PPP2R1A: variants seen among roughly 807,000 people sequenced by gnomAD.
The protein encoded by PPP2R1A is serine/threonine-protein phosphatase 2A 65 kDa regulatory subunit A alpha isoform.
In PPP2R1A, 15 loss-of-function variants were observed where a neutral mutation model predicts 67.1. The observed-to-expected ratio is 0.22, with a 90% CI of 0.15 to 0.34. The LOEUF is 0.34. Among genes scored for constraint, PPP2R1A ranks in the 10% least tolerant of loss-of-function variants. The pLI is 1.00. For missense variants in PPP2R1A, 369 were observed against 775.0 expected (o/e 0.48, Z 6.22); for synonymous variants, 337 against 325.0 (o/e 1.04, Z -0.40).
Position 52,211,687 on chromosome 19 carries a change from T to C in PPP2R1A, c.503+195T>C. ...ACGGCCACGTGTCAGTTTACCCACC[T>C]CTGCCCCCTTGCTCACTTAGGAATT... On this transcript the variant is annotated intron_variant, in intron 4 of 14. Coordinates refer to ENST00000322088, the MANE Select transcript of PPP2R1A (RefSeq NM_014225.6). This position sits in a 1 kb window ranked among gnomAD's most constrained non-coding sequence, Gnocchi z 5.3. The C allele has an allele frequency of 1.7e-6, 1 of 605,920 alleles. No homozygotes were observed. The highest frequency in any genetic ancestry group is 2.9e-6 in the Non-Finnish European group (1 of 345,496). The allele number at this position is 605,920 out of a possible 1,614,324, so 37.5% of individuals were successfully genotyped here. A position where few individuals can be genotyped will look rare whatever the true frequency, so the allele number is the denominator to read the frequency against.
At chr19:52,208,005 G>A (rs7251497) in intron 3 of PPP2R1A, among the ~76,000 whole-genome samples, 12,897 of 152,128 alleles carry the variant, frequency 0.085, 593 homozygotes, top group Middle Eastern at 0.14. Context: ...AATAGAAAAT[G>A]GCTTTGTGTA....
chr19:52,220,128 G>A, intron 10 of PPP2R1A, 61 bp from the exon 11 acceptor site: 1 of 1,556,896 alleles, frequency 6.4e-7, no homozygotes, highest in Non-Finnish European at 8.9e-7. Context: ...GATGTGGCTA[G>A]CAGCTCCCCC....
intron 9 of PPP2R1A, among the ~76,000 whole-genome samples, chr19:52,218,143 A>T (rs147549656): frequency 6.6e-6 from 1 of 152,186 alleles, no homozygotes; most frequent in Admixed American, 6.5e-5. Context: ...CAGATGGTGC[A>T]ATTGTGTGCT....
At chr19:52,200,337 CA>C in intron 1 of PPP2R1A, 1 of 152,348 alleles carries the variant, frequency 6.6e-6, no homozygotes, top group Admixed American at 6.5e-5. Flanking sequence ...GAGAGTTTCA[CA>C]GTCTGTCCTG....
chr19:52,212,614 A>T lies in PPP2R1A; in HGVS notation c.504-72A>T. Reference sequence around the variant, plus strand: ...TTCAGCTAAAACCTGGACCCACACAACTGCAGAGTCTGTGCTTGCTCCTCT... The same window carrying T: ...TTCAGCTAAAACCTGGACCCACACATCTGCAGAGTCTGTGCTTGCTCCTCT... On this transcript the variant is annotated intron_variant, in intron 4 of 14. Transcript: ENST00000322088. The surrounding 1 kb of genome is among the most constrained non-coding windows in gnomAD (Gnocchi z 4.1). 1 of 1,561,420 alleles carries T rather than the reference A, an allele frequency of 6.4e-7. No homozygotes were observed. Among genetic ancestry groups the T allele is most frequent in the Non-Finnish European group, 8.7e-7 (1 of 1,153,828 alleles).
intron 3 of PPP2R1A, among the ~76,000 whole-genome samples, chr19:52,210,484 CTT>C (rs112983236): frequency 0.046 from 5,776 of 126,926 alleles, 62 homozygotes; most frequent in African/African-American, 0.08. Context: ...GTTTTCTCTT[CTT>C]TTTTTTTTTT....
chr19:52,220,943 C>T, intron 11 of PPP2R1A, 36 bp from the exon 12 acceptor site: 12 of 1,611,328 alleles, frequency 7.4e-6, no homozygotes, highest in Non-Finnish European at 1.0e-5. Flanking sequence ...TCTTCACCTC[C>T]AAATCCCTGT....
chr19:52,196,746 G>A (rs1003103128), intron 1 of PPP2R1A, among the ~76,000 whole-genome samples: 5 of 152,128 alleles, frequency 3.3e-5, no homozygotes, highest in Non-Finnish European at 7.4e-5. Flanking sequence ...ATGGTGTCAG[G>A]GTCCCAGGCT....
At chr19:52,221,209 C>T in intron 12 of PPP2R1A, 76 bp downstream of exon 12, 1 of 1,572,836 alleles carries the variant, frequency 6.4e-7, no homozygotes, top group Non-Finnish European at 8.7e-7. Flanking sequence ...CTAGAGGGTT[C>T]CCCAAGGGAG....
Position 52,212,372 on chromosome 19 carries a change from A to G in PPP2R1A, c.504-314A>G. 2.8e-6 allele frequency: 1 copy of G among 356,884 alleles called. No individual in the cohort carries two copies. Among genetic ancestry groups the G allele is most frequent in the Non-Finnish European group, 5.2e-6 (1 of 192,324 alleles). 22.1% of individuals were successfully genotyped at this position (356,884 alleles called of 1,614,324 possible). On this transcript the variant is annotated intron_variant, in intron 4 of 14. Transcript: ENST00000322088. This position sits in a 1 kb window ranked among gnomAD's most constrained non-coding sequence, Gnocchi z 4.1. The stretch of plus-strand genomic sequence containing the variant: ...AGTGTTCAGATTACAGGTATGAGCC[A>G]CTGTGCCTGGCTCGTTGGTTAAGCA...
At chr19:52,191,729 C>A (rs2089456501) in intron 1 of PPP2R1A, among the ~76,000 whole-genome samples, 1 of 152,080 alleles carries the variant, frequency 6.6e-6, no homozygotes, top group Non-Finnish European at 1.5e-5. Context: ...TTCTTTTGTT[C>A]AGTAAATATA....
chr19:52,193,638 C>T (rs1047335193), intron 1 of PPP2R1A, among the ~76,000 whole-genome samples: 2 of 152,092 alleles, frequency 1.3e-5, no homozygotes, highest in Non-Finnish European at 2.9e-5. Context: ...CAGGCCGTCT[C>T]TGCTCATTGC....
rs1019096338 is a variant in PPP2R1A at position 52,226,959 on chromosome 19, T to C, written c.*978T>C. On this transcript the variant is annotated 3_prime_UTR_variant, in exon 15 of 15. Transcript: ENST00000322088. ...CATTTCCTGTGTTCTTGAAGAAGAC[T>C]TGGGCTTGGACCCTGTCCCCAGGAG... is the stretch of plus-strand genomic sequence containing the variant. 1 of 152,132 alleles carries C rather than the reference T, an allele frequency of 6.6e-6. No individual in the cohort carries two copies. The highest frequency in any genetic ancestry group is 2.4e-5 in the African/African-American group (1 of 41,382). 9.4% of individuals were successfully genotyped at this position (152,132 alleles called of 1,614,324 possible).
rs760606403 is a variant in PPP2R1A, at chr19:52,216,034, G to A, written c.953G>A (p.Arg318Gln). 16 of 1,613,944 alleles carry A rather than the reference G, an allele frequency of 9.9e-6. No individual in the cohort carries two copies. Among genetic ancestry groups the A allele is most frequent in the South Asian group, 3.3e-5 (3 of 91,074 alleles). ...TGTGAAAACCTCTCAGCTGACTGTC[G>A]GGAGAATGTGATCATGTCCCAGATC... ...EFCENLSADCRENVIMSQILP... is the reference protein window; with the variant it reads ...EFCENLSADCQENVIMSQILP... The change falls in exon 8 of 15, where the codon CGG (arginine) becomes CAG (glutamine). Residue 318 changes from arginine (R) to glutamine (Q), a missense_variant. Around this residue, in one of 2 missense-constraint regions of PPP2R1A, gnomAD observed 276 missense variants for 508.4 expected, o/e 0.54. Coordinates refer to ENST00000322088, the MANE Select transcript of PPP2R1A (RefSeq NM_014225.6). This position sits in a 1 kb window ranked among gnomAD's most constrained non-coding sequence, Gnocchi z 4.3.
intron 11 of PPP2R1A, 93 bp from the exon 12 acceptor site, chr19:52,220,886 G>C: frequency 3.4e-6 from 5 of 1,461,162 alleles, no homozygotes; most frequent in Non-Finnish European, 4.7e-6. Context: ...CCTAGGGGCT[G>C]CTTTGTAAGC....
At chr19:52,197,731 A>C (rs75450480) in intron 1 of PPP2R1A, among the ~76,000 whole-genome samples, 21,079 of 152,158 alleles carry the variant, frequency 0.14, 1,483 homozygotes, top group Non-Finnish European at 0.15. Flanking sequence ...AATCCATAGT[A>C]CTGGTTAAGA....
chr19:52,224,030 G>T lies in PPP2R1A; in HGVS notation c.1662-1687G>T, dbSNP rs143726181. ...CAGTGGAAAACTATTCAGCAGTGAC[G>T]AAACAAATGCCTGCTATAAGCAGCA... On this transcript the variant is annotated intron_variant, in intron 13 of 14. Coordinates refer to ENST00000322088, the MANE Select transcript of PPP2R1A (RefSeq NM_014225.6). Among the ~76,000 whole-genome samples the T allele has an allele frequency of 2.6e-5, 4 of 152,178 alleles. No individual in the cohort carries two copies. In the South Asian group the frequency reaches 6.2e-4, roughly 24 times the overall value.
At position 52,215,771 on chromosome 19, in the gene PPP2R1A, G is replaced by A; in HGVS notation, c.808-8G>A. On this transcript the variant is annotated splice_polypyrimidine_tract_variant and splice_region_variant and intron_variant, in intron 6 of 14. Coordinates refer to ENST00000322088, the MANE Select transcript of PPP2R1A (RefSeq NM_014225.6). Reference sequence around the variant, plus strand: ...TCTCACTCTCCCCCTCCTCCTTCCTGTCTGCAGCTCCAGAAAGCAGTGGGG... The same window carrying A: ...TCTCACTCTCCCCCTCCTCCTTCCTATCTGCAGCTCCAGAAAGCAGTGGGG... 6.2e-7 allele frequency: 1 copy of A among 1,612,560 alleles called. No homozygotes were observed. The highest frequency in any genetic ancestry group is 8.5e-7 in the Non-Finnish European group (1 of 1,178,660).
Position 52,229,419 on chromosome 19 carries a change from AG to A in PPP2R1A, c.*3441del. 6.6e-6 allele frequency: 1 copy of A among 152,440 alleles called. No homozygotes were observed. Among genetic ancestry groups the A allele is most frequent in the Non-Finnish European group, 1.5e-5 (1 of 68,082 alleles). 9.4% of individuals were successfully genotyped at this position (152,440 alleles called of 1,614,324 possible). A position where few individuals can be genotyped will look rare whatever the true frequency, so the allele number is the denominator to read the frequency against. On this transcript the variant is annotated 3_prime_UTR_variant, in exon 15 of 15. Transcript: ENST00000322088. ...TAGATTGGGCCATTGCACTCCAGCCAGGGTGACAGAGCAAGACCCCATATGA... is the reference window on the plus strand; with the variant it reads ...TAGATTGGGCCATTGCACTCCAGCCAGGTGACAGAGCAAGACCCCATATGA...
Sources: allele counts gnomAD v4.1 joint callset (sites outside exome capture counted in the v4.1 genomes callset), GRCh38; gene constraint gnomAD v4.1.1; regional missense constraint gnomAD v4.1.1; non-coding constraint Gnocchi (gnomAD v3.1); transcripts MANE v1.5; gene names NCBI Gene and HGNC (gene_info 2026-07-23, HGNC 2026-07-21).